The following PTGR1 variants were observed in gnomAD, a reference collection of about 807,000 sequenced individuals.
PTGR1 encodes prostaglandin reductase 1, also known as 15-oxoprostaglandin 13-reductase.
In PTGR1, 23 loss-of-function variants were observed where a neutral mutation model predicts 37.7. That is an observed-to-expected ratio of 0.61 (90% CI 0.44 to 0.86). The LOEUF is 0.86. PTGR1 is among the 40% of genes least tolerant of loss of function. PTGR1 has a pLI of 0.00. For missense variants in PTGR1, 351 were observed against 394.3 expected, an observed-to-expected ratio of 0.89 and a Z score of 0.93; for synonymous variants, 134 against 140.0, an observed-to-expected ratio of 0.96 and a Z score of 0.30.
chr9:111,587,915 T>C (rs1829487119), intron 4 of PTGR1, among the ~76,000 whole-genome samples: 1 of 152,190 alleles, frequency 6.6e-6, no homozygotes, highest in Non-Finnish European at 1.5e-5. Flanking sequence ...TAGGATACTT[T>C]CAGTATTTTT....
At chr9:111,561,460 G>A (rs532920957), downstream of PTGR1, among the ~76,000 whole-genome samples, 6 of 151,986 alleles carry the variant, frequency 3.9e-5, no homozygotes, top group African/African-American at 1.4e-4. Flanking sequence ...TTTTGCAGAT[G>A]TGGGGTATTG....
At chr9:111,572,376 C>T (rs891343623) in intron 8 of PTGR1, among the ~76,000 whole-genome samples, 12 of 152,046 alleles carry the variant, frequency 7.9e-5, no homozygotes, top group Non-Finnish European at 4.4e-5. Flanking sequence ...GAGCAGATCA[C>T]GAGGTCAGGA....
chr9:111,587,728 G>A (rs564727897), intron 4 of PTGR1, among the ~76,000 whole-genome samples: 1 of 152,308 alleles, frequency 6.6e-6, no homozygotes, highest in East Asian at 1.9e-4. Flanking sequence ...GGGATTACAG[G>A]CGTGAGACAC....
chr9:111,595,615 C>T (rs1389768991), intron 2 of PTGR1, among the ~76,000 whole-genome samples: 1 of 152,146 alleles, frequency 6.6e-6, no homozygotes, highest in African/African-American at 2.4e-5. Context: ...CCTGTAAACA[C>T]TCCTTAGAGA....
intron 9 of PTGR1, among the ~76,000 whole-genome samples, chr9:111,552,691 C>A (rs556476265): frequency 1.3e-5 from 2 of 152,086 alleles, no homozygotes; most frequent in South Asian, 4.1e-4. Flanking sequence ...ACAGAATATA[C>A]CCAGAGTTTT....
chr9:111,596,064 C>T (rs1481053752), intron 2 of PTGR1, among the ~76,000 whole-genome samples: 1 of 152,186 alleles, frequency 6.6e-6, no homozygotes, highest in African/African-American at 2.4e-5. Context: ...GAGTAATGCA[C>T]TCAAGCATGA....
At chr9:111,599,281 C>G (rs1216962275) in intron 1 of PTGR1, 2 of 152,356 alleles carry the variant, frequency 1.3e-5, no homozygotes, top group Admixed American at 1.3e-4. Flanking sequence ...CTACCCTCCC[C>G]CAGTTGTGCA....
At chr9:111,580,689 AGGTTGC>A (rs1229648836) in intron 6 of PTGR1, among the ~76,000 whole-genome samples, 2 of 147,624 alleles carry the variant, frequency 1.4e-5, no homozygotes, top group African/African-American at 5.0e-5. Flanking sequence ...TGGGAGGCAG[AGGTTGC>A]GGTGAGCTGA....
chr9:111,560,972 TATAG>T (rs1462175952), downstream of PTGR1, among the ~76,000 whole-genome samples: 85 of 21,318 alleles, frequency 4.0e-3, 16 homozygotes, highest in South Asian at 6.2e-3. Context: ...TATATATATA[TATAG>T]AGAGAGAGAG....
chr9:111,564,744 G>A (rs1828479970), intron 9 of PTGR1, among the ~76,000 whole-genome samples: 1 of 152,086 alleles, frequency 6.6e-6, no homozygotes, highest in Non-Finnish European at 1.5e-5. Flanking sequence ...TGAATTGTAT[G>A]CCCCCAATCC....
At chr9:111,553,847 G>A (rs1175274040) in intron 9 of PTGR1, among the ~76,000 whole-genome samples, 2 of 152,240 alleles carry the variant, frequency 1.3e-5, no homozygotes, top group Non-Finnish European at 2.9e-5. Flanking sequence ...CCTAGCCACA[G>A]AGAACCCAAC....
chr9:111,576,435 T>A (rs765430715), intron 7 of PTGR1: 1 of 1,614,032 alleles, frequency 6.2e-7, no homozygotes, highest in Non-Finnish European at 8.5e-7. Context: ...TGCCTTCTTG[T>A]TTCAACTGTT....
At chr9:111,571,953 GT>G (rs1589300716) in intron 8 of PTGR1, among the ~76,000 whole-genome samples, 1 of 152,300 alleles carries the variant, frequency 6.6e-6, no homozygotes, top group East Asian at 1.9e-4. Context: ...GGAAGAAAAA[GT>G]TTTTTGGTTG....
At chr9:111,564,301 A>G in intron 9 of PTGR1, 1 of 630,242 alleles carries the variant, frequency 1.6e-6, no homozygotes, top group Non-Finnish European at 2.1e-6. Flanking sequence ...TATTATTATT[A>G]TTATTATTAT....
chr9:111,599,242 C>T (rs572654772), intron 1 of PTGR1: 1 of 152,386 alleles, frequency 6.6e-6, no homozygotes, highest in South Asian at 2.1e-4. Context: ...CTTGCCCATT[C>T]CCGAATCCCC....
chr9:111,594,085 C>A, intron 3 of PTGR1, 137 bp downstream of exon 3: 1 of 918,338 alleles, frequency 1.1e-6, no homozygotes, highest in South Asian at 1.5e-5. Context: ...GTGCATGAAT[C>A]TTATCACTGA....
At chr9:111,596,377 G>A (rs1829780574) in intron 2 of PTGR1, among the ~76,000 whole-genome samples, 1 of 152,112 alleles carries the variant, frequency 6.6e-6, no homozygotes, top group Non-Finnish European at 1.5e-5. Flanking sequence ...CACTTTGGGA[G>A]GTCAAGGCGG....
chr9:111,552,790 T>A (rs576508969), intron 9 of PTGR1, among the ~76,000 whole-genome samples: 39 of 152,068 alleles, frequency 2.6e-4, no homozygotes, highest in Admixed American at 2.0e-4. Flanking sequence ...TTGGTCTTTA[T>A]TATTAAAATA....
intron 9 of PTGR1, among the ~76,000 whole-genome samples, chr9:111,551,873 AAC>A (rs1200451021): frequency 2.0e-5 from 3 of 152,326 alleles, no homozygotes; most frequent in African/African-American, 7.2e-5. Context: ...ATGGAAACAA[AAC>A]AGTTTATCAA....
Sources: gnomAD v4.1 joint callset for allele counts (sites outside exome capture counted in the v4.1 genomes callset) on GRCh38, gnomAD v4.1.1 for gene constraint, MANE v1.5 for transcripts, NCBI Gene and HGNC (gene_info 2026-07-23, HGNC 2026-07-21) for gene names.